Variants in PARP12 observed in about 807,000 individuals in gnomAD.
PARP12 encodes the protein poly(ADP-ribose) polymerase family member 12, also known as protein mono-ADP-ribosyltransferase PARP12.
Under a neutral mutation model 72.4 loss-of-function variants are expected in PARP12, and 59 were observed. The ratio of observed to expected loss-of-function variants is 0.81; its 90% confidence interval spans 0.66 to 1.01. PARP12 has a LOEUF of 1.01. PARP12 is among the 50% of genes least tolerant of loss of function. PARP12 has a pLI of 0.00. For missense variants in PARP12, 851 were observed against 914.0 expected (o/e 0.93, Z 0.89); for synonymous variants, 403 against 371.4 (o/e 1.09, Z -0.98).
intron 11 of PARP12, chr7:140,025,418 C>A: frequency 3.1e-6 from 1 of 324,512 alleles, no homozygotes; most frequent in Non-Finnish European, 6.2e-6. Flanking sequence ...CCCTTGCCAT[C>A]GCTGCCTCAG....
chr7:140,059,447 G>A (rs570303314), intron 1 of PARP12, among the ~76,000 whole-genome samples: 3 of 148,938 alleles, frequency 2.0e-5, no homozygotes, highest in South Asian at 4.2e-4. Flanking sequence ...ATCCACAAGC[G>A]TCTGATAAGC....
intron 4 of PARP12, among the ~76,000 whole-genome samples, chr7:140,050,946 C>T (rs1448525097): frequency 6.6e-6 from 1 of 152,026 alleles, no homozygotes; most frequent in Non-Finnish European, 1.5e-5. Context: ...TCAAATAACC[C>T]AATAAAAATG....
chr7:140,062,481 C>G (rs1366696797), intron 1 of PARP12, 41 bp downstream of exon 1: 2 of 1,501,280 alleles, frequency 1.3e-6, no homozygotes. Context: ...TGAGGGCGCG[C>G]AGGACCTCCG....
At chr7:140,033,153 G>A in intron 8 of PARP12, 1 of 980,320 alleles carries the variant, frequency 1.0e-6, no homozygotes, top group Non-Finnish European at 1.2e-6. Context: ...TCGGCCTCTT[G>A]AACTGTTGGG....
chr7:140,037,540 A>C (rs879342941), intron 7 of PARP12, among the ~76,000 whole-genome samples, 175 bp downstream of exon 7: 1 of 152,238 alleles, frequency 6.6e-6, no homozygotes. Flanking sequence ...TTCTTCCTCC[A>C]CTGCACAGGG....
At chr7:140,056,708 A>G in intron 3 of PARP12, 148 bp downstream of exon 3, 1 of 794,214 alleles carries the variant, frequency 1.3e-6, no homozygotes, top group Non-Finnish European at 2.0e-6. Context: ...CCTTGTTAGG[A>G]AAGCATCATC....
rs780931648 is a variant in PARP12, at chr7:140,024,722, A to G, written c.1944T>C (p.Tyr648=). 1 of 1,614,202 alleles carries G rather than the reference A, an allele frequency of 6.2e-7. No homozygotes were observed. Among genetic ancestry groups the G allele is most frequent in the African/African-American group, 1.3e-5 (1 of 75,050 alleles). The change falls in exon 12 of 12, where the codon TAT becomes TAC. Residue 648 remains tyrosine (Y), a synonymous_variant. Coordinates refer to ENST00000263549, the MANE Select transcript of PARP12 (RefSeq NM_022750.4). ...PAKEGWSNAF[Y]DSCVNSVSDP... ...CGGACACACTGTTCACGCAGCTATC[A>G]TAGAAGGCGTTGCTCCAGCCCTCCT...
At chr7:140,031,430 G>A (rs1384003951) in intron 8 of PARP12, among the ~76,000 whole-genome samples, 1 of 152,180 alleles carries the variant, frequency 6.6e-6, no homozygotes. Context: ...CCTGTATTAT[G>A]ACTTCTGAAT....
In PARP12 at chr7:140,062,762, C is replaced by A; in HGVS notation, c.86G>T (p.Arg29Leu). The change falls in exon 1 of 12, where the codon CGC (arginine) becomes CTC (leucine). Residue 29 changes from arginine (R) to leucine (L), a missense_variant. By Grantham distance (102) the Arg-to-Leu change is moderately radical. This residue lies in a region of PARP12 where 492 missense variants were observed against 489.3 expected (regional missense o/e 1.01). Transcript: ENST00000263549. Reference sequence around the variant, plus strand: ...GTCGGCGCTCAAGCCCATCCGCAAGCGGCGCCGCAGCTCGGGCAACTCCAG... The same window carrying A: ...GTCGGCGCTCAAGCCCATCCGCAAGAGGCGCCGCAGCTCGGGCAACTCCAG... ...GALELPELRR[R>L]LRMGLSADAL... is the part of the protein sequence containing the mutation. 2.9e-6 allele frequency: 4 copies of A among 1,388,742 alleles called. No homozygotes were observed. The highest frequency in any genetic ancestry group is 2.7e-5 in the Admixed American group (1 of 37,510). 86.0% of individuals were successfully genotyped at this position (1,388,742 alleles called of 1,614,324 possible).
At chr7:140,027,463 T>A (rs1449123708) in intron 9 of PARP12, 57 bp from the exon 10 acceptor site, 6 of 1,591,796 alleles carry the variant, frequency 3.8e-6, no homozygotes, top group Non-Finnish European at 5.2e-6. Flanking sequence ...TATAAATCAG[T>A]CCCTTCCCAA....
rs138832625 is a variant in PARP12 at position 140,037,782 on chromosome 7, C to A, written c.1257G>T (p.Gly419=). The part of the protein sequence containing the change: ...EKAYLAYCTP[G]SDGQAATLKF... ...TCAAGGTGGCTGCCTGGCCGTCAGACCCCGGTGTACAGTAGGCCAGGTAGG... is the reference window on the plus strand; with the variant it reads ...TCAAGGTGGCTGCCTGGCCGTCAGAACCCGGTGTACAGTAGGCCAGGTAGG... The change falls in exon 7 of 12, where the codon GGG becomes GGT. Residue 419 remains glycine (G), a synonymous_variant. Transcript: ENST00000263549. 279 of 1,614,176 alleles carry A rather than the reference C, an allele frequency of 1.7e-4. No individual in the cohort carries two copies. In the African/African-American group the frequency reaches 3.1e-3, roughly 18 times the overall value.
chr7:140,029,605 A>G (rs1018436050), intron 8 of PARP12, among the ~76,000 whole-genome samples: 3 of 152,246 alleles, frequency 2.0e-5, no homozygotes, highest in Admixed American at 2.0e-4. Flanking sequence ...TGAAATTATC[A>G]GAGAGATTAC....
chr7:140,035,871 A>T (rs1420053979), intron 7 of PARP12, among the ~76,000 whole-genome samples: 4 of 150,074 alleles, frequency 2.7e-5, no homozygotes, highest in Admixed American at 6.6e-5. Flanking sequence ...GGGGAAGAGG[A>T]AGAGGAGGAG....
intron 6 of PARP12, among the ~76,000 whole-genome samples, chr7:140,039,007 A>C (rs534056597): frequency 6.6e-6 from 1 of 152,236 alleles, no homozygotes. Flanking sequence ...TTGGAAGAAA[A>C]AGATGCCTGA....
rs1337614382 is a variant in PARP12, at chr7:140,054,712, TC to T, written c.811del (p.Glu271ArgfsTer57). 6 of 1,614,128 alleles carry T rather than the reference TC, an allele frequency of 3.7e-6. No homozygotes were observed. The highest frequency in any genetic ancestry group is 5.1e-6 in the Non-Finnish European group (6 of 1,179,972). On this transcript the variant is annotated frameshift_variant, in exon 4 of 12. Coordinates refer to ENST00000263549, the MANE Select transcript of PARP12 (RefSeq NM_022750.4). LOFTEE classifies it high-confidence loss of function. ...ATGGTACAAACAGATCTGATCACCC[TC>T]CTCCTGGCTAAGAGTGTTTGGGGAC... ...SVSPNTLSQE[E>X]GDQICLYHIR...
intron 5 of PARP12, among the ~76,000 whole-genome samples, chr7:140,044,308 CAAGTT>C (rs1816622667): frequency 1.3e-5 from 2 of 152,204 alleles, no homozygotes; most frequent in Non-Finnish European, 2.9e-5. Context: ...CAGATATAAT[CAAGTT>C]AAGATGAGGT....
At chr7:140,030,340 G>A (rs1815891797) in intron 8 of PARP12, among the ~76,000 whole-genome samples, 1 of 152,234 alleles carries the variant, frequency 6.6e-6, no homozygotes, top group South Asian at 2.1e-4. Context: ...GCCCACGCCT[G>A]TAATCCCAGC....
intron 3 of PARP12, 71 bp downstream of exon 3, chr7:140,056,785 G>A (rs1817196237): frequency 1.4e-6 from 2 of 1,436,698 alleles, no homozygotes; most frequent in Non-Finnish European, 1.9e-6. Flanking sequence ...ATGGCTAGCT[G>A]GAATCCGGGA....
At position 140,047,274 on chromosome 7, in the gene PARP12, G is replaced by T. The variant is rs959090224; in HGVS notation, c.863-267C>A. Among the ~76,000 whole-genome samples, 6 of 152,214 alleles carry T rather than the reference G, an allele frequency of 3.9e-5. No homozygotes were observed. In the East Asian group the frequency reaches 1.2e-3, roughly 29 times the overall value. ...ATCGCCAATGTGATAGTATTGAGCG[G>T]TAAGGCCTTTAAGAGGTGACTGGGT... On this transcript the variant is annotated intron_variant, in intron 4 of 11. Transcript: ENST00000263549.
Sources: allele counts gnomAD v4.1 joint callset (sites outside exome capture counted in the v4.1 genomes callset), GRCh38; gene constraint gnomAD v4.1.1; regional missense constraint gnomAD v4.1.1; transcripts MANE v1.5; gene names NCBI Gene and HGNC (gene_info 2026-07-23, HGNC 2026-07-21).